Variants in MTERF4 observed in about 807,000 individuals in gnomAD.
The protein encoded by MTERF4 is mitochondrial transcription termination factor 4.
In MTERF4, 17 loss-of-function variants were observed where a neutral mutation model predicts 22.5. The observed-to-expected ratio is 0.75, with a 90% CI of 0.52 to 1.13. The LOEUF is 1.13. Ranked by LOEUF, MTERF4 falls within the 50% of genes most tolerant of loss-of-function variation. The pLI is 0.00. For missense variants in MTERF4, 420 were observed against 466.8 expected, an observed-to-expected ratio of 0.90 and a Z score of 0.92; for synonymous variants, 165 against 175.3, an observed-to-expected ratio of 0.94 and a Z score of 0.47.
chr2:241,067,621 T>C, downstream of MTERF4: 1 of 627,380 alleles, frequency 1.6e-6, no homozygotes, highest in Non-Finnish European at 2.7e-6. Flanking sequence ...CAGCCCGAGT[T>C]CCCTGAGCAG....
At chr2:241,090,759 G>A (rs1175188475), downstream of MTERF4, among the ~76,000 whole-genome samples, 2 of 151,768 alleles carry the variant, frequency 1.3e-5, no homozygotes, top group African/African-American at 4.8e-5. Context: ...CTCAGCTACT[G>A]AAGAGGCTGA....
chr2:241,071,423 C>T (rs1029487234), downstream of MTERF4: 1 of 851,940 alleles, frequency 1.2e-6, no homozygotes, highest in Non-Finnish European at 1.8e-6. Context: ...CTGGGGAAGC[C>T]ACAAGCACCT....
At chr2:241,064,974 C>T in the MTERF4 span, 2 of 1,550,330 alleles carry the variant, frequency 1.3e-6, no homozygotes, top group South Asian at 2.4e-5. This position sits in a 1 kb window ranked among gnomAD's most constrained non-coding sequence, Gnocchi z 7.0. Context: ...GGCGAGGGCG[C>T]CTCCAGTGAG....
chr2:241,096,251 T>C lies in MTERF4; in HGVS notation c.893A>G (p.Glu298Gly). ...PLLKDILRVS[E>G]AEFLARTACT... Reference sequence around the variant, plus strand: ...GGCTGTCCTGGCCAAAAACTCAGCTTCTGAAACTCTGAGAATGTCCTTGAG... The same window carrying C: ...GGCTGTCCTGGCCAAAAACTCAGCTCCTGAAACTCTGAGAATGTCCTTGAG... Residue 298 changes from glutamate (E) to glycine (G), a missense_variant, in exon 4 of 4, where the codon GAA (glutamate) becomes GGA (glycine). Transcript: ENST00000391980. The surrounding 1 kb of genome is among the most constrained non-coding windows in gnomAD (Gnocchi z 5.1). 2 of 1,614,216 alleles carry C rather than the reference T, an allele frequency of 1.2e-6. No individual in the cohort carries two copies. The highest frequency in any genetic ancestry group is 1.7e-6 in the Non-Finnish European group (2 of 1,180,044).
chr2:241,076,963 C>T (rs1221346899), intron 4 of MTERF4, among the ~76,000 whole-genome samples: 5 of 152,068 alleles, frequency 3.3e-5, no homozygotes, highest in African/African-American at 4.8e-5. Context: ...CCTGTGGTCC[C>T]AGCTACTCCG....
intron 4 of MTERF4, among the ~76,000 whole-genome samples, chr2:241,076,377 T>G (rs1425207573): frequency 1.3e-5 from 2 of 152,236 alleles, no homozygotes; most frequent in African/African-American, 4.8e-5. Flanking sequence ...TTTGATACTA[T>G]TATATAGTTT....
At chr2:241,090,058 T>A (rs577615440), downstream of MTERF4, 1 of 1,533,828 alleles carries the variant, frequency 6.5e-7, no homozygotes, top group South Asian at 1.2e-5. Context: ...CAATAAGAAA[T>A]TAACCTTAGC....
rs779600630 is a variant in MTERF4 at position 241,099,778 on chromosome 2, G to A, written c.138C>T (p.Ala46=). The change falls in exon 2 of 4, where the codon GCC becomes GCT. Residue 46 remains alanine (A), a synonymous_variant. Transcript: ENST00000391980. The stretch of plus-strand genomic sequence containing the variant: ...ACTCCTCAATGACCCCTCCATTGGA[G>A]GCTGTAGTCAGTTTGCGCAACAAAG... ...TASLLRKLTT[A]SNGGVIEELS... 1.2e-5 allele frequency: 19 copies of A among 1,614,038 alleles called. No individual in the cohort carries two copies. The African/African-American group carries it at 2.3e-4, about 19-fold the overall frequency.
At chr2:241,051,705 C>A in the MTERF4 span, 1 of 1,391,494 alleles carries the variant, frequency 7.2e-7, no homozygotes. The surrounding 1 kb of genome is among the most constrained non-coding windows in gnomAD (Gnocchi z 4.7). Context: ...GGGCCAGCAG[C>A]CTGGCCCCGT....
downstream of MTERF4, chr2:241,092,432 AGGT>A (rs1172104010): frequency 1.3e-5 from 2 of 152,212 alleles, no homozygotes; most frequent in Non-Finnish European, 2.9e-5. The surrounding 1 kb of genome is among the most constrained non-coding windows in gnomAD (Gnocchi z 4.6). Flanking sequence ...TTACAATAAC[AGGT>A]GGTGGCCAAA....
At chr2:241,087,038 C>T (rs111241071), downstream of MTERF4, 5 of 195,584 alleles carry the variant, frequency 2.6e-5, no homozygotes, top group African/African-American at 2.3e-5. Context: ...AACAGAAAAG[C>T]GAGGCCATAC....
chr2:241,089,264 C>A, downstream of MTERF4: 1 of 1,541,308 alleles, frequency 6.5e-7, no homozygotes, highest in South Asian at 1.2e-5. Flanking sequence ...TCTTCCTGCC[C>A]CTTATAGGAG....
At chr2:241,056,947 C>T in the MTERF4 span, among the ~76,000 whole-genome samples, 1 of 152,016 alleles carries the variant, frequency 6.6e-6, no homozygotes, top group East Asian at 1.9e-4. Flanking sequence ...GGCAAACAAG[C>T]ACATAATTGA....
chr2:241,079,778 G>A (rs973950670), intron 4 of MTERF4, among the ~76,000 whole-genome samples: 1 of 152,154 alleles, frequency 6.6e-6, no homozygotes, highest in Non-Finnish European at 1.5e-5. Flanking sequence ...AATAAGAGTA[G>A]TCTGTTCACC....
intron 3 of MTERF4, 171 bp downstream of exon 3, chr2:241,097,072 T>G (rs2064468894): frequency 1.4e-6 from 1 of 691,938 alleles, no homozygotes; most frequent in South Asian, 1.9e-5. Flanking sequence ...ATATGAGGTG[T>G]CCGAGGCTTC....
the MTERF4 span, chr2:241,053,404 G>C: frequency 7.0e-7 from 1 of 1,423,464 alleles, no homozygotes; most frequent in East Asian, 2.3e-5. Context: ...GAGCACAGGG[G>C]CTGCAGGCCC....
intron 4 of MTERF4, among the ~76,000 whole-genome samples, chr2:241,077,165 A>G (rs901603658): frequency 1.3e-5 from 2 of 152,224 alleles, no homozygotes; most frequent in Non-Finnish European, 2.9e-5. Flanking sequence ...AAACCATTCA[A>G]TGTGGAAAGA....
chr2:241,043,292 C>A, the MTERF4 span, among the ~76,000 whole-genome samples: 1 of 151,964 alleles, frequency 6.6e-6, no homozygotes, highest in South Asian at 2.1e-4. Context: ...TTACATACAG[C>A]GAAACAAGAA....
the MTERF4 span, chr2:241,062,825 T>C: frequency 1.9e-6 from 3 of 1,612,020 alleles, no homozygotes; most frequent in Non-Finnish European, 2.5e-6. Flanking sequence ...CGTGCCTGCA[T>C]GGGGGCTCTT....
Sources: allele counts gnomAD v4.1 joint callset (sites outside exome capture counted in the v4.1 genomes callset), GRCh38; gene constraint gnomAD v4.1.1; non-coding constraint Gnocchi (gnomAD v3.1); transcripts MANE v1.5; gene names NCBI Gene and HGNC (gene_info 2026-07-23, HGNC 2026-07-21).